Variants in NFIB observed in about 807,000 individuals in gnomAD.
NFIB encodes nuclear factor 1 B-type.
A neutral mutation model predicts 61.5 loss-of-function variants in NFIB; 11 were observed. The observed-to-expected ratio is 0.18, with a 90% confidence interval of 0.11 to 0.30. The LOEUF (loss-of-function observed/expected upper bound fraction) is 0.30, where lower values mean the gene tolerates loss of function less well. Among genes scored for constraint, NFIB ranks in the 10% least tolerant of loss-of-function variants. The probability of loss-of-function intolerance (pLI) is 1.00; values close to 1 mark genes in which losing one functional copy is unlikely to be tolerated. For missense variants in NFIB, 471 were observed against 608.9 expected, an observed-to-expected ratio of 0.77 and a Z score of 2.38; for synonymous variants, 260 against 216.5, an observed-to-expected ratio of 1.20 and a Z score of -1.76.
At chr9:14,355,697 C>G (rs950465897) in intron 1 of NFIB, among the ~76,000 whole-genome samples, 2 of 152,224 alleles carry the variant, frequency 1.3e-5, no homozygotes, top group Non-Finnish European at 2.9e-5. Context: ...TGGCTCACGC[C>G]TGTAATCCCA....
At chr9:14,301,163 C>T (rs2059728141) in intron 2 of NFIB, among the ~76,000 whole-genome samples, 1 of 152,144 alleles carries the variant, frequency 6.6e-6, no homozygotes, top group Non-Finnish European at 1.5e-5. Flanking sequence ...CTCAATGGCT[C>T]CTACCCAGCT....
chr9:14,444,693 T>A, the NFIB span, among the ~76,000 whole-genome samples: 1 of 152,160 alleles, frequency 6.6e-6, no homozygotes, highest in Non-Finnish European at 1.5e-5. Flanking sequence ...TTTGTCCTTA[T>A]CCCCGTTTAC....
chr9:14,413,230 C>T, the NFIB span, among the ~76,000 whole-genome samples: 1 of 151,936 alleles, frequency 6.6e-6, no homozygotes, highest in Non-Finnish European at 1.5e-5. Flanking sequence ...GCAGCTGGAG[C>T]CTTCCCAGTG....
chr9:14,347,070 G>A (rs1029181390), intron 1 of NFIB, among the ~76,000 whole-genome samples: 1 of 152,018 alleles, frequency 6.6e-6, no homozygotes, highest in Admixed American at 6.5e-5. Flanking sequence ...AACCCGCCCG[G>A]CGCGAAGGGT....
the NFIB span, among the ~76,000 whole-genome samples, chr9:14,531,561 T>C: frequency 3.3e-5 from 5 of 152,164 alleles, no homozygotes; most frequent in South Asian, 1.0e-3. Context: ...AGAAGTACAT[T>C]ACTCTGTTTT....
At chr9:14,373,641 AGTGT>A (rs56764067) in intron 1 of NFIB, among the ~76,000 whole-genome samples, 26,881 of 143,092 alleles carry the variant, frequency 0.19, 2,504 homozygotes, top group Non-Finnish European at 0.22. Flanking sequence ...TGTCCACATG[AGTGT>A]GTGTGTGTGT....
chr9:14,189,559 A>G (rs907602679), intron 2 of NFIB, among the ~76,000 whole-genome samples: 1 of 151,160 alleles, frequency 6.6e-6, no homozygotes, highest in Non-Finnish European at 1.5e-5. Flanking sequence ...TATATATTTA[A>G]TGTTCTTTAA....
intron 2 of NFIB, among the ~76,000 whole-genome samples, chr9:14,222,455 T>C (rs2051793655): frequency 1.3e-5 from 2 of 152,156 alleles, no homozygotes; most frequent in Non-Finnish European, 2.9e-5. Context: ...ATCTGAGCCT[T>C]TGCCCAAGCT....
chr9:14,114,428 A>G (rs1433475310), intron 9 of NFIB, among the ~76,000 whole-genome samples: 2 of 152,102 alleles, frequency 1.3e-5, no homozygotes, highest in Admixed American at 6.5e-5. Context: ...TTCTTTGACC[A>G]TAGTACTATA....
intron 2 of NFIB, among the ~76,000 whole-genome samples, chr9:14,281,257 G>A (rs2058353775): frequency 6.6e-6 from 1 of 152,158 alleles, no homozygotes; most frequent in African/African-American, 2.4e-5. Flanking sequence ...GTTCCATAGA[G>A]CATGAATATC....
intron 1 of NFIB, among the ~76,000 whole-genome samples, chr9:14,359,479 C>G (rs2061213852): frequency 6.6e-6 from 1 of 152,188 alleles, no homozygotes; most frequent in Non-Finnish European, 1.5e-5. Flanking sequence ...GCACCAGAAG[C>G]TGGATGAGAA....
chr9:14,113,974 T>G (rs546914756), intron 9 of NFIB, among the ~76,000 whole-genome samples: 2 of 152,300 alleles, frequency 1.3e-5, no homozygotes, highest in South Asian at 4.1e-4. Flanking sequence ...CTGAGGTATC[T>G]TCCCAGAACT....
intron 2 of NFIB, among the ~76,000 whole-genome samples, chr9:14,249,776 G>T (rs1563943782): frequency 6.6e-6 from 1 of 152,010 alleles, no homozygotes; most frequent in Non-Finnish European, 1.5e-5. Flanking sequence ...AAAAGTGAGA[G>T]GGGAAGGTAA....
At chr9:14,319,263 A>G (rs1471917800) in intron 1 of NFIB, among the ~76,000 whole-genome samples, 1 of 151,904 alleles carries the variant, frequency 6.6e-6, no homozygotes, top group Non-Finnish European at 1.5e-5. Context: ...TACAGTTCTG[A>G]TCTCAACACC....
chr9:14,203,117 A>C (rs894964226), intron 2 of NFIB, among the ~76,000 whole-genome samples: 1 of 152,050 alleles, frequency 6.6e-6, no homozygotes, highest in African/African-American at 2.4e-5. Flanking sequence ...ACCTCCTTCT[A>C]TTAATATCCT....
intron 1 of NFIB, among the ~76,000 whole-genome samples, chr9:14,391,077 A>C (rs2061613789): frequency 2.0e-5 from 3 of 152,354 alleles, no homozygotes; most frequent in African/African-American, 7.2e-5. Flanking sequence ...GGTGGAATAT[A>C]ACTCCCTACC....
intron 2 of NFIB, among the ~76,000 whole-genome samples, chr9:14,278,337 T>C (rs1426008685): frequency 4.6e-5 from 7 of 152,230 alleles, no homozygotes; most frequent in Non-Finnish European, 8.8e-5. Flanking sequence ...CCATTGTTAA[T>C]TGAGTCGTGC....
chr9:14,396,125 T>C (rs2061684140), intron 1 of NFIB, among the ~76,000 whole-genome samples: 1 of 152,198 alleles, frequency 6.6e-6, no homozygotes, highest in South Asian at 2.1e-4. Flanking sequence ...ATAATAGCTC[T>C]CGCAAAGCAG....
the NFIB span, among the ~76,000 whole-genome samples, chr9:14,440,459 C>G: frequency 6.6e-6 from 1 of 152,150 alleles, no homozygotes; most frequent in South Asian, 2.1e-4. Flanking sequence ...GTACATTTCA[C>G]AAATATACTT....
Sources: gnomAD v4.1 joint callset for allele counts (sites outside exome capture counted in the v4.1 genomes callset) on GRCh38, gnomAD v4.1.1 for gene constraint, MANE v1.5 for transcripts, NCBI Gene and HGNC (gene_info 2026-07-23, HGNC 2026-07-21) for gene names.